The following RECQL5 variants were observed in gnomAD, a reference collection of about 807,000 sequenced individuals.
RECQL5 encodes RecQ like helicase 5.
Under a neutral mutation model 103.4 loss-of-function variants are expected in RECQL5, and 88 were observed. The observed-to-expected ratio is 0.85, with a 90% CI of 0.72 to 1.02. The LOEUF (loss-of-function observed/expected upper bound fraction) is 1.02, where lower values mean the gene tolerates loss of function less well. Among genes scored for constraint, RECQL5 ranks in the 50% least tolerant of loss-of-function variants. The pLI is 0.00. For synonymous variants in RECQL5, 552 were observed against 507.9 expected (o/e 1.09, Z -1.17); for missense variants, 1,232 against 1,284.3 (o/e 0.96, Z 0.62).
chr17:75,662,740 A>C lies in RECQL5; in HGVS notation c.510T>G (p.Arg170=). The C allele has an allele frequency of 6.2e-7, 1 of 1,614,072 alleles. No homozygotes were observed. Among genetic ancestry groups the C allele is most frequent in the Non-Finnish European group, 8.5e-7 (1 of 1,180,046 alleles). Residue 170 remains arginine (R), a synonymous_variant, in exon 4 of 20, where the codon CGT becomes CGG. Transcript: ENST00000317905. The stretch of plus-strand genomic sequence containing the variant: ...GGGCACCCAGACGCAAGTAGTCAGG[A>C]CGAAAGTCATGCCCCCATTGGGAAA... ...HCVSQWGHDF[R]PDYLRLGALR...
chr17:75,628,773 G>A lies in RECQL5; in HGVS notation c.2490-11C>T. ...CTGGGCGGGCAGGTGCTGGTAGAGG[G>A]AAGAGCAGGCATCACAGCACTGGGT... On this transcript the variant is annotated splice_polypyrimidine_tract_variant and intron_variant, in intron 16 of 19. Coordinates refer to ENST00000317905, the MANE Select transcript of RECQL5 (RefSeq NM_004259.7). The A allele has an allele frequency of 6.2e-7, 1 of 1,602,888 alleles. No individual in the cohort carries two copies.
At chr17:75,647,469 C>T in intron 8 of RECQL5, 1 of 1,550,254 alleles carries the variant, frequency 6.5e-7, no homozygotes, top group Non-Finnish European at 8.7e-7. Flanking sequence ...TTATCTTATT[C>T]ATCACCGCTG....
rs780882758 is a variant in RECQL5 at position 75,630,506 on chromosome 17, G to C, written c.1718+113C>G. On this transcript the variant is annotated intron_variant, in intron 13 of 19. Coordinates refer to ENST00000317905, the MANE Select transcript of RECQL5 (RefSeq NM_004259.7). ...GTAGGGGCAGTCCCCTGGAGTAGGAGAGGTACAATCTGGGGAGAGGTGGCC... is the reference window on the plus strand; with the variant it reads ...GTAGGGGCAGTCCCCTGGAGTAGGACAGGTACAATCTGGGGAGAGGTGGCC... 4.3e-6 allele frequency: 5 copies of C among 1,152,768 alleles called. No homozygotes were observed. The South Asian group carries it at 5.3e-5, about 12-fold the overall frequency. The allele number at this position is 1,152,768 out of a possible 1,614,324, so 71.4% of individuals were successfully genotyped here. A position where few individuals can be genotyped will look rare whatever the true frequency, so the allele number is the denominator to read the frequency against.
intron 3 of RECQL5, among the ~76,000 whole-genome samples, chr17:75,664,082 G>T (rs886917608): frequency 6.9e-6 from 1 of 143,932 alleles, no homozygotes; most frequent in African/African-American, 2.5e-5. Context: ...AAGAAAGAAA[G>T]AAATTAATGT....
chr17:75,629,711 G>C lies in RECQL5; in HGVS notation c.1944C>G (p.Tyr648Ter), dbSNP rs759603217. ...AGGCCACTGGGCCACAGCTCACCGA[G>C]TACACATGGGAGGCTGGTGGAATGT... ...EYDIPPASHVYSLKPKRVGAG... is the reference protein window; with the variant it reads ...EYDIPPASHV Residue 648 changes from tyrosine (Y) to a stop codon, truncating the protein, a stop_gained, in exon 15 of 20, where the codon TAC becomes TAG. Transcript: ENST00000317905. LOFTEE classifies it high-confidence loss of function. 1 of 1,608,812 alleles carries C rather than the reference G, an allele frequency of 6.2e-7. No homozygotes were observed. Among genetic ancestry groups the C allele is most frequent in the Non-Finnish European group, 8.5e-7 (1 of 1,176,132 alleles).
At chr17:75,658,161 A>C (rs1243363135) in intron 7 of RECQL5, 137 bp downstream of exon 7, 2 of 801,280 alleles carry the variant, frequency 2.5e-6, no homozygotes, top group Non-Finnish European at 3.8e-6. Flanking sequence ...CCAATACGCC[A>C]TTTCCCTTTG....
intron 8 of RECQL5, chr17:75,647,359 C>T (rs1190250038): frequency 6.5e-7 from 1 of 1,540,682 alleles, no homozygotes; most frequent in Non-Finnish European, 8.8e-7. Flanking sequence ...GTCCTCTGTC[C>T]CTCTTTTCCA....
rs772180965 is a variant in RECQL5 at position 75,662,944 on chromosome 17, C to T, written c.306G>A (p.Ser102=). The part of the protein sequence containing the change: ...TLKVRVSSLN[S]KLSAQERKEL... The stretch of plus-strand genomic sequence containing the variant: ...CCTTCCTTTCCTGTGCAGAGAGCTT[C>T]GAGTTCAGGGAACTTACTCGTACCT... The change falls in exon 4 of 20, where the codon TCG becomes TCA. Residue 102 remains serine, a synonymous_variant. Transcript: ENST00000317905. The T allele has an allele frequency of 1.2e-6, 2 of 1,613,846 alleles. No homozygotes were observed. The highest frequency in any genetic ancestry group is 1.1e-5 in the South Asian group (1 of 91,018).
chr17:75,627,234 C>CAGAA lies in RECQL5; in HGVS notation c.*184_*187dup. ...GAGAAGGGTCTATAGGCTTTGCAAG[C>CAGAA]AGAAAGAAAGGTGGGCTGACCTCTG... On this transcript the variant is annotated 3_prime_UTR_variant, in exon 20 of 20. Transcript: ENST00000317905. The CAGAA allele has an allele frequency of 1.5e-6, 1 of 671,424 alleles. No homozygotes were observed. The highest frequency in any genetic ancestry group is 1.6e-5 in the South Asian group (1 of 64,222). 41.6% of individuals were successfully genotyped at this position (671,424 alleles called of 1,614,324 possible).
At chr17:75,666,327 C>A in intron 2 of RECQL5, 101 bp downstream of exon 2, 4 of 1,366,642 alleles carry the variant, frequency 2.9e-6, no homozygotes, top group Non-Finnish European at 4.0e-6. Context: ...CAGTTATGGA[C>A]CAAAGGTGAG....
chr17:75,634,298 G>GGA, intron 8 of RECQL5: 1 of 976,554 alleles, frequency 1.0e-6, no homozygotes, highest in Non-Finnish European at 1.2e-6. Context: ...CCATAAACAC[G>GGA]GAGAGGTCTT....
In RECQL5 at chr17:75,628,230, C is replaced by A; in HGVS notation, c.2793G>T (p.Lys931Asn). ...TCACTCCCCCTACCTTGGAAGCAAA[C>A]TTGCCCTCCTTGTAGAAAGGGGTGA... ...KCLTPFYKEG[K>N]FASKELFKGF... The change falls in exon 18 of 20, where the codon AAG (lysine) becomes AAT (asparagine). Residue 931 changes from lysine to asparagine, a missense_variant. Transcript: ENST00000317905. The A allele has an allele frequency of 6.2e-7, 1 of 1,614,008 alleles. No individual in the cohort carries two copies. Among genetic ancestry groups the A allele is most frequent in the Non-Finnish European group, 8.5e-7 (1 of 1,179,934 alleles).
At chr17:75,655,469 T>C (rs987401117) in intron 7 of RECQL5, among the ~76,000 whole-genome samples, 4 of 151,478 alleles carry the variant, frequency 2.6e-5, no homozygotes, top group African/African-American at 9.7e-5. Flanking sequence ...GTTCATGCCA[T>C]TCTCCTGCCT....
At chr17:75,661,798 T>C in intron 4 of RECQL5, 90 bp from the exon 5 acceptor site, 1 of 951,728 alleles carries the variant, frequency 1.1e-6, no homozygotes, top group Non-Finnish European at 1.6e-6. Flanking sequence ...AGAAGCTCTG[T>C]GTTCCTTCTC....
At chr17:75,630,082 G>A (rs930327811) in intron 14 of RECQL5, 102 bp downstream of exon 14, 6 of 1,075,278 alleles carry the variant, frequency 5.6e-6, no homozygotes, top group African/African-American at 3.2e-5. Flanking sequence ...TGGGGAGGGT[G>A]AGTTCTGGGC....
At chr17:75,651,836 A>C (rs2059559788) in intron 7 of RECQL5, among the ~76,000 whole-genome samples, 1 of 152,192 alleles carries the variant, frequency 6.6e-6, no homozygotes, top group African/African-American at 2.4e-5. Context: ...TAGTAAATAC[A>C]CGCACAAATG....
Sources: gnomAD v4.1 joint callset for allele counts (sites outside exome capture counted in the v4.1 genomes callset) on GRCh38, gnomAD v4.1.1 for gene constraint, MANE v1.5 for transcripts, NCBI Gene and HGNC (gene_info 2026-07-23, HGNC 2026-07-21) for gene names.